FLT1: variants seen among roughly 807,000 people sequenced by gnomAD.
The protein encoded by FLT1 is vascular endothelial growth factor receptor 1.
A neutral mutation model predicts 156.3 loss-of-function variants in FLT1; 49 were observed. The observed-to-expected ratio is 0.31, with a 90% CI of 0.25 to 0.40. The LOEUF (loss-of-function observed/expected upper bound fraction) is 0.40, where lower values mean the gene tolerates loss of function less well. Ranked by LOEUF, FLT1 falls within the 10% of genes least tolerant of loss-of-function variation. FLT1 has a pLI of 1.00. For missense variants in FLT1, 1,322 were observed against 1,637.2 expected, an observed-to-expected ratio of 0.81 and a Z score of 3.32; for synonymous variants, 594 against 583.8, an observed-to-expected ratio of 1.02 and a Z score of -0.25.
Position 28,494,459 on chromosome 13 carries a change from C to T in FLT1, c.64+321G>A, listed in dbSNP as rs564369204. Among the ~76,000 whole-genome samples, 4 of 152,316 alleles carry T rather than the reference C, an allele frequency of 2.6e-5. No homozygotes were observed. The South Asian group carries it at 8.3e-4, about 32-fold the overall frequency. On this transcript the variant is annotated intron_variant, in intron 1 of 29. Transcript: ENST00000282397. ...GCGTGCTGCTCCTAGTGCCCAGGGC[C>T]TCGGCAGTGAGACCCCAACCCGACA...
At chr13:28,331,447 T>C (rs529497230) in intron 18 of FLT1, among the ~76,000 whole-genome samples, 1 of 152,360 alleles carries the variant, frequency 6.6e-6, no homozygotes, top group South Asian at 2.1e-4. Context: ...TGCTTTTGTT[T>C]TGAGACGGAG....
intron 27 of FLT1, among the ~76,000 whole-genome samples, chr13:28,309,667 C>T (rs1019271145): frequency 6.7e-6 from 1 of 149,944 alleles, no homozygotes; most frequent in African/African-American, 2.5e-5. Context: ...ACCCACCCCC[C>T]CTCCCTCTCT....
chr13:28,386,734 T>C (rs1332739970), intron 13 of FLT1: 4 of 1,054,700 alleles, frequency 3.8e-6, no homozygotes, highest in African/African-American at 3.3e-5. Flanking sequence ...ATTTTTTACA[T>C]AGTGAAGACC....
intron 11 of FLT1, among the ~76,000 whole-genome samples, chr13:28,400,095 C>T (rs994796902): frequency 3.3e-5 from 5 of 152,216 alleles, no homozygotes; most frequent in East Asian, 3.8e-4. Flanking sequence ...CTAATCTCTA[C>T]ACCAGATTGC....
chr13:28,326,875 T>A (rs1464068034), intron 20 of FLT1, among the ~76,000 whole-genome samples: 1 of 152,204 alleles, frequency 6.6e-6, no homozygotes, highest in Non-Finnish European at 1.5e-5. Flanking sequence ...GTCCACATGT[T>A]CCTTTTACTA....
At chr13:28,465,057 A>G (rs1879775372) in intron 3 of FLT1, among the ~76,000 whole-genome samples, 1 of 152,218 alleles carries the variant, frequency 6.6e-6, no homozygotes, top group Non-Finnish European at 1.5e-5. Context: ...TTAGAGAAAG[A>G]GAACAGATGG....
chr13:28,441,716 G>A (rs1227006169), intron 3 of FLT1, among the ~76,000 whole-genome samples: 1 of 152,170 alleles, frequency 6.6e-6, no homozygotes, highest in South Asian at 2.1e-4. Flanking sequence ...TGAGGCAGGA[G>A]GATCACTTGA....
intron 4 of FLT1, among the ~76,000 whole-genome samples, chr13:28,437,040 A>G (rs1878064979): frequency 6.6e-6 from 1 of 152,220 alleles, no homozygotes; most frequent in Non-Finnish European, 1.5e-5. Context: ...GATGGCAGGA[A>G]CACTGAATGA....
At chr13:28,341,487 C>A (rs1872331006) in intron 16 of FLT1, among the ~76,000 whole-genome samples, 1 of 152,036 alleles carries the variant, frequency 6.6e-6, no homozygotes, top group Admixed American at 6.6e-5. Flanking sequence ...AATAATGGTA[C>A]TTATCTCATA....
Position 28,327,489 on chromosome 13 carries a change from G to T in FLT1, c.2769C>A (p.Ser923Arg), listed in dbSNP as rs528058244. 6.2e-7 allele frequency: 1 copy of T among 1,612,898 alleles called. No homozygotes were observed. Among genetic ancestry groups the T allele is most frequent in the South Asian group, 1.1e-5 (1 of 91,036 alleles). The change falls in exon 20 of 30, where the codon AGC becomes AGA. Residue 923 changes from serine (S) to arginine (R), a missense_variant. Ser to Arg is a moderately radical substitution (Grantham distance 110, BLOSUM62 -1). This residue lies in a region of FLT1 where 991 missense variants were observed against 1,254.8 expected (regional missense o/e 0.79). Transcript: ENST00000282397. ...TGTTGAGAAAAAATAAGTCACGTTT[G>T]CTCTTGAGGTAGTTGGAGAGATTTC... ...KYGNLSNYLK[S>R]KRDLFFLNKD...
intron 10 of FLT1, among the ~76,000 whole-genome samples, chr13:28,409,193 T>G (rs1229612165): frequency 6.6e-6 from 1 of 152,074 alleles, no homozygotes; most frequent in Non-Finnish European, 1.5e-5. Flanking sequence ...CTGACCTACA[T>G]GCTTTGGGTT....
chr13:28,314,361 A>G (rs899783263), intron 25 of FLT1, among the ~76,000 whole-genome samples: 1 of 152,184 alleles, frequency 6.6e-6, no homozygotes, highest in Non-Finnish European at 1.5e-5. Flanking sequence ...CTTGCCTAAA[A>G]TCCAATGCAA....
chr13:28,319,312 T>G lies in FLT1; in HGVS notation c.3286+111A>C, dbSNP rs1871341222. 7 of 742,304 alleles carry G rather than the reference T, an allele frequency of 9.4e-6. No individual in the cohort carries two copies. The Admixed American group carries it at 1.2e-4, about 13-fold the overall frequency. The allele number at this position is 742,304 out of a possible 1,614,324, so 46.0% of individuals were successfully genotyped here. On this transcript the variant is annotated intron_variant, in intron 24 of 29. Transcript: ENST00000282397. Reference sequence around the variant, plus strand: ...CATGGGCCCATTACACTTTAAGAGTTTTTTGTTACAGTAGGTTCTAATCTA... The same window carrying G: ...CATGGGCCCATTACACTTTAAGAGTGTTTTGTTACAGTAGGTTCTAATCTA...
At chr13:28,312,127 T>G in intron 25 of FLT1, 29 bp from the exon 26 acceptor site, 1 of 1,401,498 alleles carries the variant, frequency 7.1e-7, no homozygotes. Context: ...ACAGAAATAG[T>G]TGGAGAGCAG....
At chr13:28,379,436 G>A (rs1038489393) in intron 14 of FLT1, among the ~76,000 whole-genome samples, 1 of 152,216 alleles carries the variant, frequency 6.6e-6, no homozygotes, top group African/African-American at 2.4e-5. Flanking sequence ...CCATGGCCCA[G>A]AGGACCGAAG....
chr13:28,487,426 T>C (rs985699492), intron 1 of FLT1, among the ~76,000 whole-genome samples: 2 of 152,224 alleles, frequency 1.3e-5, no homozygotes, highest in Non-Finnish European at 2.9e-5. Flanking sequence ...AATCTGATAA[T>C]TGTTGTAGCT....
In FLT1 at chr13:28,439,208, T is replaced by C. The variant is rs1878204739; in HGVS notation, c.389-863A>G. Among the ~76,000 whole-genome samples, 1 of 152,220 alleles carries C rather than the reference T, an allele frequency of 6.6e-6. No homozygotes were observed. The highest frequency in any genetic ancestry group is 2.1e-4 in the South Asian group (1 of 4,824). On this transcript the variant is annotated intron_variant, in intron 3 of 29. Transcript: ENST00000282397. This position sits in a 1 kb window ranked among gnomAD's most constrained non-coding sequence, Gnocchi z 4.1. ...AAACATTCTCAGTCTACCCTGCCCT[T>C]GCCCTCGGGAATCTATTGACATCCT...
At chr13:28,486,433 G>A (rs1881170321) in intron 1 of FLT1, among the ~76,000 whole-genome samples, 1 of 152,250 alleles carries the variant, frequency 6.6e-6, no homozygotes, top group Non-Finnish European at 1.5e-5. Context: ...TGCAGATACG[G>A]AGGCCCGGAT....
chr13:28,469,136 C>T (rs1393571287), intron 1 of FLT1, among the ~76,000 whole-genome samples: 1 of 152,110 alleles, frequency 6.6e-6, no homozygotes, highest in South Asian at 2.1e-4. Context: ...CCAGGATTAG[C>T]GTTCCTTAGG....
Sources: allele counts gnomAD v4.1 joint callset (sites outside exome capture counted in the v4.1 genomes callset), GRCh38; gene constraint gnomAD v4.1.1; regional missense constraint gnomAD v4.1.1; non-coding constraint Gnocchi (gnomAD v3.1); transcripts MANE v1.5; gene names NCBI Gene and HGNC (gene_info 2026-07-23, HGNC 2026-07-21).